The following RALGAPA2 variants were observed in gnomAD, a reference collection of about 807,000 sequenced individuals.
RALGAPA2 encodes the protein Ral GTPase activating protein catalytic subunit alpha 2.
A neutral mutation model predicts 230.4 loss-of-function variants in RALGAPA2; 139 were observed. The observed-to-expected ratio is 0.60, with a 90% CI of 0.53 to 0.69. The LOEUF is 0.69. Among genes scored for constraint, RALGAPA2 ranks in the 30% least tolerant of loss-of-function variants. RALGAPA2 has a pLI of 0.00. For synonymous variants in RALGAPA2, 847 were observed against 837.8 expected (o/e 1.01, Z -0.19); for missense variants, 2,163 against 2,276.0 (o/e 0.95, Z 1.01).
chr20:20,616,672 A>G (rs962509514), intron 12 of RALGAPA2, among the ~76,000 whole-genome samples: 2 of 152,218 alleles, frequency 1.3e-5, no homozygotes, highest in African/African-American at 4.8e-5. Flanking sequence ...TGCTGACAGA[A>G]GCATGGACAG....
At position 20,661,070 on chromosome 20, in the gene RALGAPA2, T is replaced by C. The variant is rs573593689; in HGVS notation, c.271-7483A>G. On this transcript the variant is annotated intron_variant, in intron 3 of 39. Coordinates refer to ENST00000202677, the MANE Select transcript of RALGAPA2 (RefSeq NM_020343.4). ...AAAAATAATATAAAATTAATAATAA[T>C]CTGGGTATAAACTGCTTAAAATAGT... Among the ~76,000 whole-genome samples, 26 of 152,276 alleles carry C rather than the reference T, an allele frequency of 1.7e-4. No individual in the cohort carries two copies. In the South Asian group the frequency reaches 2.1e-3, roughly 12 times the overall value.
chr20:20,504,967 G>GATA, intron 34 of RALGAPA2: 5 of 979,000 alleles, frequency 5.1e-6, no homozygotes, highest in Non-Finnish European at 6.1e-6. Context: ...GAAATAGGTT[G>GATA]ATAGCTAAAC....
intron 3 of RALGAPA2, among the ~76,000 whole-genome samples, chr20:20,655,309 A>G (rs544809067): frequency 7.2e-5 from 11 of 152,128 alleles, no homozygotes; most frequent in Non-Finnish European, 1.3e-4. Context: ...AAAGAATATC[A>G]GTTAGCAAAA....
chr20:20,390,511 A>G lies in RALGAPA2; in HGVS notation c.*2778T>C, dbSNP rs2059586815. On this transcript the variant is annotated 3_prime_UTR_variant, in exon 40 of 40. Coordinates refer to ENST00000202677, the MANE Select transcript of RALGAPA2 (RefSeq NM_020343.4). Reference sequence around the variant, plus strand: ...AACTGGCCTGGCCCTGCCTGAGGCCAGCGAGTCTTACCACATTTTGGCCCA... The same window carrying G: ...AACTGGCCTGGCCCTGCCTGAGGCCGGCGAGTCTTACCACATTTTGGCCCA... 6.6e-6 allele frequency: 1 copy of G among 152,212 alleles called. No individual in the cohort carries two copies. The highest frequency in any genetic ancestry group is 2.4e-5 in the African/African-American group (1 of 41,458). The allele number at this position is 152,212 out of a possible 1,614,324, so 9.4% of individuals were successfully genotyped here.
chr20:20,510,204 G>C (rs1346994072), intron 33 of RALGAPA2, among the ~76,000 whole-genome samples: 1 of 152,100 alleles, frequency 6.6e-6, no homozygotes, highest in African/African-American at 2.4e-5. Flanking sequence ...GATGAGAAAC[G>C]TGACAGTGGA....
intron 4 of RALGAPA2, among the ~76,000 whole-genome samples, chr20:20,646,381 T>A (rs1427163820): frequency 6.6e-6 from 1 of 152,238 alleles, no homozygotes; most frequent in East Asian, 1.9e-4. Context: ...TTTAACATTA[T>A]CAAGTCATTT....
chr20:20,393,386 G>A (rs942473043), intron 39 of RALGAPA2, 133 bp from the exon 40 acceptor site: 6 of 514,902 alleles, frequency 1.2e-5, no homozygotes, highest in Non-Finnish European at 1.8e-5. Flanking sequence ...CTCCTCCCAC[G>A]CTATGCCGGC....
At chr20:20,578,354 ATTTAT>A (rs913350687) in intron 20 of RALGAPA2, among the ~76,000 whole-genome samples, 2 of 152,162 alleles carry the variant, frequency 1.3e-5, no homozygotes, top group African/African-American at 4.8e-5. Flanking sequence ...AATACCCAAT[ATTTAT>A]TTTATTTTAT....
chr20:20,710,909 C>G (rs1254053619), intron 1 of RALGAPA2, among the ~76,000 whole-genome samples: 1 of 152,156 alleles, frequency 6.6e-6, no homozygotes. Flanking sequence ...AATGTCCCTG[C>G]AGTAGGTGTT....
intron 37 of RALGAPA2, among the ~76,000 whole-genome samples, chr20:20,427,000 A>G (rs2060396857): frequency 6.6e-6 from 1 of 152,198 alleles, no homozygotes; most frequent in Non-Finnish European, 1.5e-5. Flanking sequence ...AGCAGTGAGG[A>G]AAAGTGTTCT....
chr20:20,605,539 TTTTTC>T (rs1433526330), intron 14 of RALGAPA2, 127 bp from the exon 15 acceptor site: 91 of 768,982 alleles, frequency 1.2e-4, no homozygotes, highest in South Asian at 6.0e-5. Context: ...TTGGAAGTTG[TTTTTC>T]TTTTAATTCT....
At chr20:20,559,019 G>T (rs971794036) in intron 23 of RALGAPA2, among the ~76,000 whole-genome samples, 10 of 152,096 alleles carry the variant, frequency 6.6e-5, no homozygotes, top group Non-Finnish European at 1.3e-4. Flanking sequence ...AATGATTTCT[G>T]TTCGTTACTT....
rs1336511913 is a variant in RALGAPA2, at chr20:20,511,310, T to C, written c.4872A>G (p.Leu1624=). The change falls in exon 33 of 40, where the codon CTA becomes CTG. Residue 1624 remains leucine (L), a synonymous_variant. Coordinates refer to ENST00000202677, the MANE Select transcript of RALGAPA2 (RefSeq NM_020343.4). ...TCAATAATTTTGAATTTTTCTTCAA[T>C]AGATGAAAATTCTTCCTATAAAGAA... ...NSWDRRKNFH[L]LKKNSKLLRE... is the part of the protein sequence containing the mutation. 4 of 1,557,170 alleles carry C rather than the reference T, an allele frequency of 2.6e-6. No homozygotes were observed. The highest frequency in any genetic ancestry group is 2.6e-6 in the Non-Finnish European group (3 of 1,150,252).
intron 1 of RALGAPA2, among the ~76,000 whole-genome samples, chr20:20,704,310 G>T (rs973899967): frequency 3.2e-4 from 49 of 152,206 alleles, no homozygotes; most frequent in African/African-American, 1.1e-3. Context: ...CTTCAGTTTT[G>T]CTCTTCATTA....
At chr20:20,501,376 G>GCTTC (rs2062372445) in intron 35 of RALGAPA2, among the ~76,000 whole-genome samples, 1 of 152,226 alleles carries the variant, frequency 6.6e-6, no homozygotes, top group African/African-American at 2.4e-5. Context: ...AGCACTTAAT[G>GCTTC]CTTCGCCTTG....
At chr20:20,402,441 G>A (rs1199874073) in intron 38 of RALGAPA2, among the ~76,000 whole-genome samples, 11 of 152,216 alleles carry the variant, frequency 7.2e-5, no homozygotes, top group Admixed American at 5.2e-4. Context: ...GATTCTTCAC[G>A]CACACGCGTG....
chr20:20,418,717 G>T (rs1404007656), intron 37 of RALGAPA2, among the ~76,000 whole-genome samples: 1 of 149,888 alleles, frequency 6.7e-6, no homozygotes, highest in Non-Finnish European at 1.5e-5. Flanking sequence ...GACACATTGA[G>T]TGCAATTCTA....
intron 23 of RALGAPA2, among the ~76,000 whole-genome samples, chr20:20,563,953 C>A (rs1012230915): frequency 6.6e-6 from 1 of 152,082 alleles, no homozygotes; most frequent in Admixed American, 6.6e-5. Context: ...TCCTTGTTAG[C>A]CCTCATTACC....
At chr20:20,672,195 G>A (rs1486800774) in intron 3 of RALGAPA2, among the ~76,000 whole-genome samples, 3 of 152,070 alleles carry the variant, frequency 2.0e-5, no homozygotes, top group Non-Finnish European at 2.9e-5. Flanking sequence ...CCAGACTCCC[G>A]GCAAAAGCAA....
Sources: gnomAD v4.1 joint callset for allele counts (sites outside exome capture counted in the v4.1 genomes callset) on GRCh38, gnomAD v4.1.1 for gene constraint, MANE v1.5 for transcripts, NCBI Gene and HGNC (gene_info 2026-07-23, HGNC 2026-07-21) for gene names.